The following KATNAL2 variants were observed in gnomAD, a reference collection of about 807,000 sequenced individuals.
KATNAL2 encodes the protein katanin catalytic subunit A1 like 2.
Under a neutral mutation model 76.3 loss-of-function variants are expected in KATNAL2, and 52 were observed. The ratio of observed to expected loss-of-function variants is 0.68; its 90% CI spans 0.55 to 0.86. KATNAL2 has a LOEUF of 0.86. Among genes scored for constraint, KATNAL2 ranks in the 40% least tolerant of loss-of-function variants. The pLI is 0.00. For synonymous variants in KATNAL2, 243 were observed against 244.2 expected, an observed-to-expected ratio of 1.00 and a Z score of 0.05; for missense variants, 660 against 668.9, an observed-to-expected ratio of 0.99 and a Z score of 0.15.
chr18:46,958,004 C>G (rs1007947832), intron 3 of KATNAL2, among the ~76,000 whole-genome samples: 1 of 152,150 alleles, frequency 6.6e-6, no homozygotes, highest in Non-Finnish European at 1.5e-5. Flanking sequence ...CCAGATTGCC[C>G]TCTTTAATGT....
intron 3 of KATNAL2, among the ~76,000 whole-genome samples, chr18:46,949,749 C>T (rs767193172): frequency 6.6e-6 from 1 of 152,192 alleles, no homozygotes. Context: ...ATTGATTCTA[C>T]TTCTATATTG....
intron 1 of KATNAL2, among the ~76,000 whole-genome samples, chr18:46,942,197 C>G (rs1345922482): frequency 1.9e-5 from 2 of 106,418 alleles, no homozygotes; most frequent in African/African-American, 3.7e-5. Flanking sequence ...TCTAATACAG[C>G]CTTTTGTTTT....
chr18:47,066,845 G>GTGTT (rs1240454025), intron 10 of KATNAL2, among the ~76,000 whole-genome samples, 176 bp from the exon 11 acceptor site: 1 of 25,408 alleles, frequency 3.9e-5, no homozygotes, highest in Non-Finnish European at 8.3e-5. Flanking sequence ...GTATATATGT[G>GTGTT]TTTATATATA....
chr18:46,944,223 T>C (rs1350110035), intron 1 of KATNAL2, among the ~76,000 whole-genome samples: 1 of 152,200 alleles, frequency 6.6e-6, no homozygotes, highest in Non-Finnish European at 1.5e-5. Flanking sequence ...TGTAAGACAT[T>C]AACAAGTTTT....
At chr18:47,048,828 C>CTTTTTTTTTTTTTTTTTT (rs35366730) in intron 4 of KATNAL2, among the ~76,000 whole-genome samples, 1 of 76,722 alleles carries the variant, frequency 1.3e-5, no homozygotes, top group African/African-American at 5.3e-5. Context: ...AAGCCAGACT[C>CTTTTTTTTTTTTTTTTTT]TTTTTTTTTT....
chr18:47,066,848 TATATATATATATATATA>T lies in KATNAL2; in HGVS notation c.727-172_727-156del, dbSNP rs1290445433. ...CAAAATTACAATGTATATATGTGTT[TATATATATATATATATA>T]TATATATATATATATATATATATAT... is the stretch of plus-strand genomic sequence containing the variant. On this transcript the variant is annotated intron_variant, in intron 10 of 17. Transcript: ENST00000683218. 7.4e-4 allele frequency among the ~76,000 whole-genome samples: 11 copies of T among 14,878 alleles called. 1 individual carries two copies. The highest frequency in any genetic ancestry group is 1.5e-3 in the African/African-American group (8 of 5,454). 9.8% of individuals were successfully genotyped at this position (14,878 alleles called of 152,430 possible). A position where few individuals can be genotyped will look rare whatever the true frequency, so the allele number is the denominator to read the frequency against.
intron 13 of KATNAL2, among the ~76,000 whole-genome samples, chr18:47,071,037 T>C (rs1480445816): frequency 1.3e-5 from 2 of 152,158 alleles, no homozygotes; most frequent in East Asian, 3.9e-4. Context: ...TCTACTTATA[T>C]GGGGAATTTT....
In KATNAL2 at chr18:47,071,953, CTTTTTTTTTTTTTTTTTTTTTT is replaced by C. The variant is rs574265545; in HGVS notation, c.1008+2370_1008+2391del. ...GAAACAATTCCTCTCCCAATTTCTTCTTTTTTTTTTTTTTTTTTTTTTTTTTTTTTTTTTTTTTACAGAGTCT... is the reference window on the plus strand; with the variant it reads ...GAAACAATTCCTCTCCCAATTTCTTCTTTTTTTTTTTTTTTTACAGAGTCT... On this transcript the variant is annotated intron_variant, in intron 13 of 17. Coordinates refer to ENST00000683218, the MANE Select transcript of KATNAL2 (RefSeq NM_001387690.1). Among the ~76,000 whole-genome samples, 213 of 43,966 alleles carry C rather than the reference CTTTTTTTTTTTTTTTTTTTTTT, an allele frequency of 4.8e-3. 2 individuals are homozygous for C. Among genetic ancestry groups the C allele is most frequent in the African/African-American group, 0.025 (208 of 8,358 alleles). 28.8% of individuals were successfully genotyped at this position (43,966 alleles called of 152,430 possible). A position where few individuals can be genotyped will look rare whatever the true frequency, so the allele number is the denominator to read the frequency against.
At chr18:47,084,990 C>T (rs1396430370) in intron 15 of KATNAL2, among the ~76,000 whole-genome samples, 1 of 151,762 alleles carries the variant, frequency 6.6e-6, no homozygotes, top group Non-Finnish European at 1.5e-5. Flanking sequence ...TGTAGGTCAC[C>T]TTCAGGGGTC....
chr18:47,099,034 T>TCTTCCCTTCCTTCCCTCC (rs2063365075), intron 15 of KATNAL2: 1 of 420,862 alleles, frequency 2.4e-6, no homozygotes, highest in African/African-American at 2.0e-5. Flanking sequence ...TGCTTTCCTC[T>TCTTCCCTTCCTTCCCTCC]CTTCCCTTCC....
chr18:46,931,559 A>G (rs991224307), intron 1 of KATNAL2, among the ~76,000 whole-genome samples: 2 of 152,094 alleles, frequency 1.3e-5, no homozygotes, highest in Non-Finnish European at 2.9e-5. Flanking sequence ...AGACTGAGGC[A>G]GGAGAATCAC....
chr18:47,074,735 C>G (rs2062135206), intron 13 of KATNAL2, among the ~76,000 whole-genome samples: 2 of 152,100 alleles, frequency 1.3e-5, no homozygotes, highest in African/African-American at 4.8e-5. Flanking sequence ...TACCAAGCAG[C>G]CTTGTTGAGG....
intron 1 of KATNAL2, among the ~76,000 whole-genome samples, chr18:46,932,067 T>C (rs1456382340): frequency 1.3e-5 from 2 of 151,982 alleles, no homozygotes; most frequent in South Asian, 2.1e-4. Context: ...CGTGCTACCA[T>C]GCCCGGCTAA....
chr18:47,081,641 C>T (rs2062527006), intron 15 of KATNAL2, among the ~76,000 whole-genome samples: 1 of 152,172 alleles, frequency 6.6e-6, no homozygotes, highest in African/African-American at 2.4e-5. Flanking sequence ...CAGTTGCCTC[C>T]CAACATTTAT....
intron 1 of KATNAL2, among the ~76,000 whole-genome samples, chr18:46,919,701 C>G (rs766513501): frequency 5.3e-5 from 8 of 152,154 alleles, no homozygotes; most frequent in Non-Finnish European, 1.2e-4. Context: ...TGTAAACCCA[C>G]TAGACTATAA....
chr18:47,085,289 ATGG>A (rs1268482702), intron 15 of KATNAL2, among the ~76,000 whole-genome samples: 1 of 152,196 alleles, frequency 6.6e-6, no homozygotes, highest in African/African-American at 2.4e-5. Flanking sequence ...TTAGAAGATT[ATGG>A]CAGTGAAAGA....
intron 3 of KATNAL2, among the ~76,000 whole-genome samples, chr18:47,043,535 A>C (rs1367828253): frequency 1.3e-5 from 2 of 152,182 alleles, no homozygotes; most frequent in South Asian, 4.1e-4. Context: ...TTAAAACAAG[A>C]GAGGGACCAG....
rs2063408815 is a variant in KATNAL2, at chr18:47,100,247, G to GT, written c.1375-4dup. ...CTGACCAATGGCTGGTTTTTTGGCT[G>GT]TTTCAGGAGACTGAGGGCTACTCAG... On this transcript the variant is annotated splice_polypyrimidine_tract_variant and splice_region_variant and intron_variant, in intron 16 of 17. Transcript: ENST00000683218. The GT allele has an allele frequency of 6.2e-6, 10 of 1,612,202 alleles. No homozygotes were observed. The African/African-American group carries it at 1.2e-4, about 19-fold the overall frequency.
chr18:47,034,323 G>C (rs764961596), intron 3 of KATNAL2: 4 of 1,612,746 alleles, frequency 2.5e-6, no homozygotes, highest in Non-Finnish European at 2.5e-6. Context: ...GCCTCTTCTT[G>C]TTCGAGTGAC....
Sources: allele counts gnomAD v4.1 joint callset (sites outside exome capture counted in the v4.1 genomes callset), GRCh38; gene constraint gnomAD v4.1.1; transcripts MANE v1.5; gene names NCBI Gene and HGNC (gene_info 2026-07-23, HGNC 2026-07-21).